Variants in VAPB observed in about 807,000 individuals in gnomAD.
VAPB encodes VAMP associated protein B and C, also known as vesicle-associated membrane protein-associated protein B/C.
Under a neutral mutation model 25.6 loss-of-function variants are expected in VAPB, and 7 were observed. The observed-to-expected ratio is 0.27, with a 90% CI of 0.16 to 0.51. The LOEUF (loss-of-function observed/expected upper bound fraction) is 0.51. VAPB is among the 20% of genes least tolerant of loss of function. The probability of loss-of-function intolerance (pLI) is 0.97; values close to 1 mark genes in which losing one functional copy is unlikely to be tolerated. For missense variants in VAPB, 266 were observed against 301.3 expected, an observed-to-expected ratio of 0.88 and a Z score of 0.87; for synonymous variants, 112 against 109.2, an observed-to-expected ratio of 1.03 and a Z score of -0.16.
At chr20:58,413,320 G>C (rs1273306100) in intron 1 of VAPB, among the ~76,000 whole-genome samples, 6 of 151,404 alleles carry the variant, frequency 4.0e-5, no homozygotes, top group Non-Finnish European at 5.9e-5. Context: ...TGTGTCCCTG[G>C]GTACTTGAGA....
At position 58,415,517 on chromosome 20, in the gene VAPB, A is replaced by G. The variant is rs1231789839; in HGVS notation, c.59-2694A>G. ...TGCTTAGTTCCTGGTTTTGTTACAG[A>G]CATTATCTGAAATAAGGAATAGAAG... On this transcript the variant is annotated intron_variant, in intron 1 of 5. Transcript: ENST00000475243. Among the ~76,000 whole-genome samples the G allele has an allele frequency of 2.0e-5, 3 of 152,310 alleles. No homozygotes were observed. The South Asian group carries it at 6.2e-4, about 32-fold the overall frequency.
chr20:58,442,458 G>GT (rs376543659), intron 5 of VAPB, among the ~76,000 whole-genome samples: 9 of 151,716 alleles, frequency 5.9e-5, no homozygotes, highest in East Asian at 1.9e-4. Context: ...AGTTTGCCGG[G>GT]TTTTTTTTTA....
chr20:58,450,602 T>G lies in VAPB; in HGVS notation c.*6367T>G. On this transcript the variant is annotated 3_prime_UTR_variant, in exon 6 of 6. Coordinates refer to ENST00000475243, the MANE Select transcript of VAPB (RefSeq NM_004738.5). ...AGTGTTCCTTTCGCCTTTCCTCTGCTTTCTGAATAAATGGTTTCAGTAACC... is the reference window on the plus strand; with the variant it reads ...AGTGTTCCTTTCGCCTTTCCTCTGCGTTCTGAATAAATGGTTTCAGTAACC... The G allele has an allele frequency of 2.2e-6, 1 of 454,150 alleles. No homozygotes were observed. The highest frequency in any genetic ancestry group is 4.4e-6 in the Non-Finnish European group (1 of 226,796). 28.1% of individuals were successfully genotyped at this position (454,150 alleles called of 1,614,324 possible). A position where few individuals can be genotyped will look rare whatever the true frequency, so the allele number is the denominator to read the frequency against.
At chr20:58,414,427 A>G (rs1988478661) in intron 1 of VAPB, among the ~76,000 whole-genome samples, 1 of 147,148 alleles carries the variant, frequency 6.8e-6, no homozygotes, top group Middle Eastern at 3.7e-3. Context: ...CACCCCTCAG[A>G]CGGGGCAGCC....
At chr20:58,419,789 TC>T (rs1037535492) in intron 2 of VAPB, among the ~76,000 whole-genome samples, 1 of 151,964 alleles carries the variant, frequency 6.6e-6, no homozygotes, top group East Asian at 1.9e-4. Flanking sequence ...CTATCTACTT[TC>T]CCCCCCTCGA....
At chr20:58,389,613 C>T in intron 1 of VAPB, 96 bp downstream of exon 1, 1 of 1,341,422 alleles carries the variant, frequency 7.5e-7, no homozygotes, top group Non-Finnish European at 9.9e-7. Flanking sequence ...GCCCTCGTCC[C>T]CACCCCGACG....
intron 2 of VAPB, among the ~76,000 whole-genome samples, chr20:58,428,987 A>C (rs1017966045): frequency 6.6e-6 from 1 of 152,198 alleles, no homozygotes; most frequent in African/African-American, 2.4e-5. Context: ...CTGGTGATGA[A>C]AAACACCCCC....
At chr20:58,422,064 T>C (rs1008294799) in intron 2 of VAPB, among the ~76,000 whole-genome samples, 3 of 152,174 alleles carry the variant, frequency 2.0e-5, no homozygotes, top group Admixed American at 6.5e-5. Context: ...CCTAAACTTT[T>C]TGTGTCAGTG....
chr20:58,437,484 T>C (rs1027464343), intron 3 of VAPB, among the ~76,000 whole-genome samples: 1 of 152,200 alleles, frequency 6.6e-6, no homozygotes. Flanking sequence ...CTCTCTCCAC[T>C]GTCATAGCAC....
chr20:58,413,944 T>G (rs1292493394), intron 1 of VAPB, among the ~76,000 whole-genome samples: 4 of 42,778 alleles, frequency 9.4e-5, no homozygotes, highest in East Asian at 8.0e-4. Context: ...GCTGGCCGGG[T>G]GGGGGGCTGA....
At position 58,448,226 on chromosome 20, in the gene VAPB, A is replaced by G. The variant is rs973437844; in HGVS notation, c.*3991A>G. ...CTCTAGTTCATGACATACAAATCCCATAAGGCCAACGACCACTCTTCTGGA... is the reference window on the plus strand; with the variant it reads ...CTCTAGTTCATGACATACAAATCCCGTAAGGCCAACGACCACTCTTCTGGA... On this transcript the variant is annotated 3_prime_UTR_variant, in exon 6 of 6. Coordinates refer to ENST00000475243, the MANE Select transcript of VAPB (RefSeq NM_004738.5). 6.6e-6 allele frequency: 3 copies of G among 454,058 alleles called. No homozygotes were observed. The highest frequency in any genetic ancestry group is 1.6e-5 in the South Asian group (1 of 64,466). The allele number at this position is 454,058 out of a possible 1,614,324, so 28.1% of individuals were successfully genotyped here.
At chr20:58,418,073 C>A in intron 1 of VAPB, 138 bp from the exon 2 acceptor site, 1 of 1,190,464 alleles carries the variant, frequency 8.4e-7, no homozygotes, top group Non-Finnish European at 1.2e-6. Context: ...CTCAGCTCAT[C>A]TCTTTCATCC....
chr20:58,441,065 G>A lies in VAPB; in HGVS notation c.555G>A (p.Glu185=). 1 of 1,614,014 alleles carries A rather than the reference G, an allele frequency of 6.2e-7. No individual in the cohort carries two copies. The highest frequency in any genetic ancestry group is 8.5e-7 in the Non-Finnish European group (1 of 1,179,972). ...RLQGEVQRLR[E]ENKQFKEEDG... The stretch of plus-strand genomic sequence containing the variant: ...AAGGTGAAGTTCAGAGGCTACGGGA[G>A]GAGAACAAGCAGTTCAAGGTAATAG... The change falls in exon 5 of 6, where the codon GAG becomes GAA. Residue 185 remains glutamate, a synonymous_variant. Transcript: ENST00000475243.
At chr20:58,423,528 G>T (rs546071041) in intron 2 of VAPB, among the ~76,000 whole-genome samples, 1 of 148,310 alleles carries the variant, frequency 6.7e-6, no homozygotes, top group Non-Finnish European at 1.5e-5. Context: ...TAAATGGATA[G>T]TATTGTGATT....
At chr20:58,411,629 A>G (rs1364720971) in intron 1 of VAPB, among the ~76,000 whole-genome samples, 1 of 152,134 alleles carries the variant, frequency 6.6e-6, no homozygotes. Flanking sequence ...GTGGCTGTTC[A>G]GATCTTTTGC....
intron 1 of VAPB, among the ~76,000 whole-genome samples, chr20:58,416,734 G>T (rs771302152): frequency 6.7e-6 from 1 of 150,364 alleles, no homozygotes; most frequent in South Asian, 2.2e-4. Flanking sequence ...TTCTTAATTT[G>T]TATTAAGGTA....
At chr20:58,394,698 TA>T (rs1392930541) in intron 1 of VAPB, among the ~76,000 whole-genome samples, 3 of 152,270 alleles carry the variant, frequency 2.0e-5, no homozygotes, top group African/African-American at 7.2e-5. Flanking sequence ...AACTTTCTTT[TA>T]TCCACCTATT....
chr20:58,432,204 G>A (rs781650589), intron 2 of VAPB: 1 of 152,230 alleles, frequency 6.6e-6, no homozygotes, highest in Non-Finnish European at 1.5e-5. Flanking sequence ...TCCTGGGGCT[G>A]TTTTTTGGGG....
intron 2 of VAPB, among the ~76,000 whole-genome samples, chr20:58,432,892 G>A (rs1282914337): frequency 1.3e-5 from 2 of 152,182 alleles, no homozygotes; most frequent in African/African-American, 2.4e-5. Flanking sequence ...TTGATAAAAG[G>A]TTTACTCTCT....
Sources: allele counts gnomAD v4.1 joint callset (sites outside exome capture counted in the v4.1 genomes callset), GRCh38; gene constraint gnomAD v4.1.1; transcripts MANE v1.5; gene names NCBI Gene and HGNC (gene_info 2026-07-23, HGNC 2026-07-21).